PSMD1: variants seen among roughly 807,000 people sequenced by gnomAD.
The protein encoded by PSMD1 is 26S proteasome non-ATPase regulatory subunit 1.
PSMD1 carries 18 observed loss-of-function variants against 119.0 expected under a neutral mutation model. That is an observed-to-expected ratio of 0.15 (90% CI 0.10 to 0.22). The LOEUF is 0.22. Ranked by LOEUF, PSMD1 falls within the 10% of genes least tolerant of loss-of-function variation. The pLI, the probability that PSMD1 is intolerant of heterozygous loss-of-function variation, is 1.00. For synonymous variants in PSMD1, 374 were observed against 396.6 expected, an observed-to-expected ratio of 0.94 and a Z score of 0.68; for missense variants, 702 against 1,158.5, an observed-to-expected ratio of 0.61 and a Z score of 5.72.
intron 6 of PSMD1, among the ~76,000 whole-genome samples, chr2:231,070,962 C>T (rs574228590): frequency 1.3e-5 from 2 of 152,096 alleles, no homozygotes; most frequent in South Asian, 2.1e-4. Context: ...CTGTTTTTTA[C>T]AATCCCTTTT....
intron 16 of PSMD1, among the ~76,000 whole-genome samples, chr2:231,116,913 TATAAA>T (rs1695357732): frequency 6.6e-6 from 1 of 151,972 alleles, no homozygotes; most frequent in African/African-American, 2.4e-5. Flanking sequence ...ATGAAACTAA[TATAAA>T]AGAAAAAGAT....
chr2:231,150,220 G>A (rs543699175), intron 18 of PSMD1, among the ~76,000 whole-genome samples: 19 of 151,982 alleles, frequency 1.3e-4, no homozygotes, highest in African/African-American at 3.6e-4. Flanking sequence ...GGTGGCAGGC[G>A]CCTGTAGTTC....
chr2:231,147,366 C>T (rs566858624), intron 18 of PSMD1, among the ~76,000 whole-genome samples: 63 of 152,232 alleles, frequency 4.1e-4, no homozygotes, highest in African/African-American at 1.5e-3. Flanking sequence ...GGCATGGTGG[C>T]ATGCGCCTGT....
intron 8 of PSMD1, 82 bp from the exon 9 acceptor site, chr2:231,076,952 G>C: frequency 1.6e-6 from 2 of 1,276,570 alleles, no homozygotes; most frequent in Non-Finnish European, 1.1e-6. Context: ...CACTGGTTTA[G>C]GACTGATGAA....
intron 23 of PSMD1, among the ~76,000 whole-genome samples, chr2:231,169,335 T>G (rs1228773501): frequency 6.6e-6 from 1 of 152,202 alleles, no homozygotes; most frequent in Non-Finnish European, 1.5e-5. Context: ...CATCTCCATT[T>G]GGTCCATTAG....
intron 23 of PSMD1, among the ~76,000 whole-genome samples, chr2:231,168,532 A>G (rs988815598): frequency 5.3e-5 from 8 of 152,240 alleles, no homozygotes; most frequent in Admixed American, 1.3e-4. Flanking sequence ...TATTTTAAGT[A>G]AAAGAAGCCA....
intron 16 of PSMD1, among the ~76,000 whole-genome samples, chr2:231,118,556 G>C (rs1391879808): frequency 6.6e-6 from 1 of 152,098 alleles, no homozygotes; most frequent in Non-Finnish European, 1.5e-5. Flanking sequence ...TGCATTGCAT[G>C]CCTGGGTTTT....
intron 16 of PSMD1, among the ~76,000 whole-genome samples, chr2:231,106,917 TAATCTC>T (rs1312957653): frequency 1.3e-5 from 2 of 152,164 alleles, no homozygotes; most frequent in Non-Finnish European, 2.9e-5. Context: ...ACTGAAAACT[TAATCTC>T]AACATACCTT....
At chr2:231,140,051 T>C (rs769190893) in intron 17 of PSMD1, among the ~76,000 whole-genome samples, 4 of 152,208 alleles carry the variant, frequency 2.6e-5, no homozygotes, top group Non-Finnish European at 5.9e-5. Context: ...GAGCAAGGCT[T>C]TGCTCCCAGT....
At chr2:231,141,421 CTTTTT>C (rs34818750) in intron 17 of PSMD1, among the ~76,000 whole-genome samples, 8 of 104,226 alleles carry the variant, frequency 7.7e-5, no homozygotes, top group African/African-American at 4.1e-4. Flanking sequence ...CCCTGCTATA[CTTTTT>C]TTTTTTTTTT....
In PSMD1 at chr2:231,166,112, T is replaced by C. The variant is rs1574781089; in HGVS notation, c.2715+95T>C. On this transcript the variant is annotated intron_variant, in intron 23 of 24. Coordinates refer to ENST00000308696, the MANE Select transcript of PSMD1 (RefSeq NM_002807.4). Reference sequence around the variant, plus strand: ...TAGAGAATGATAAATCTCCAAAGCATTGGAGCAAGCTCACTAGTTCTAAGA... The same window carrying C: ...TAGAGAATGATAAATCTCCAAAGCACTGGAGCAAGCTCACTAGTTCTAAGA... 3.3e-6 allele frequency: 4 copies of C among 1,228,008 alleles called. No homozygotes were observed. In the East Asian group the frequency reaches 7.3e-5, roughly 22 times the overall value. 76.1% of individuals were successfully genotyped at this position (1,228,008 alleles called of 1,614,324 possible). A position where few individuals can be genotyped will look rare whatever the true frequency, so the allele number is the denominator to read the frequency against.
At chr2:231,069,681 A>G (rs1693994833) in intron 5 of PSMD1, among the ~76,000 whole-genome samples, 1 of 152,208 alleles carries the variant, frequency 6.6e-6, no homozygotes, top group South Asian at 2.1e-4. Context: ...ACTTCAGCAG[A>G]CACATTTGGA....
At chr2:231,166,895 C>G (rs1188176181) in intron 23 of PSMD1, among the ~76,000 whole-genome samples, 1 of 152,130 alleles carries the variant, frequency 6.6e-6, no homozygotes, top group African/African-American at 2.4e-5. Flanking sequence ...CCAAGGGATG[C>G]AAGATAGTGT....
rs1359188420 is a variant in PSMD1, at chr2:231,077,014, T to A, written c.943-20T>A. 1 of 1,581,288 alleles carries A rather than the reference T, an allele frequency of 6.3e-7. No individual in the cohort carries two copies. Among genetic ancestry groups the A allele is most frequent in the Non-Finnish European group, 8.5e-7 (1 of 1,170,370 alleles). Reference sequence around the variant, plus strand: ...AATACTGTTTATGAGTTTTCATTTTTTTTTTGTTTGTTTTGGCAGAGTCCA... The same window carrying A: ...AATACTGTTTATGAGTTTTCATTTTATTTTTGTTTGTTTTGGCAGAGTCCA... On this transcript the variant is annotated intron_variant, in intron 8 of 24. Coordinates refer to ENST00000308696, the MANE Select transcript of PSMD1 (RefSeq NM_002807.4).
At chr2:231,151,790 G>T (rs1696380729) in intron 18 of PSMD1, among the ~76,000 whole-genome samples, 1 of 149,240 alleles carries the variant, frequency 6.7e-6, no homozygotes, top group African/African-American at 2.5e-5. Context: ...GAATAAAAGC[G>T]TCAAACATGA....
chr2:231,077,187 G>C (rs1270158803), intron 9 of PSMD1, 25 bp downstream of exon 9: 1 of 1,383,440 alleles, frequency 7.2e-7, no homozygotes, highest in African/African-American at 1.5e-5. Flanking sequence ...AATAATAGAG[G>C]ATTTTAAAAA....
At chr2:231,057,269 C>G (rs1338044356) in intron 1 of PSMD1, among the ~76,000 whole-genome samples, 6 of 152,122 alleles carry the variant, frequency 3.9e-5, no homozygotes, top group Non-Finnish European at 7.4e-5. Flanking sequence ...GCATCCCTCC[C>G]CAATCACACC....
intron 16 of PSMD1, among the ~76,000 whole-genome samples, chr2:231,097,307 A>G (rs1205750050): frequency 6.6e-6 from 1 of 152,204 alleles, no homozygotes; most frequent in East Asian, 1.9e-4. Context: ...CTTTCCATTT[A>G]CTGAACTACT....
Position 231,150,659 on chromosome 2 carries a change from A to G in PSMD1, c.2116-2905A>G, listed in dbSNP as rs913438553. 1.2e-4 allele frequency among the ~76,000 whole-genome samples: 18 copies of G among 152,302 alleles called. No individual in the cohort carries two copies. The East Asian group carries it at 2.1e-3, about 18-fold the overall frequency. ...ATATCATAATATATAGAGCAGTACT[A>G]CACTGGGAGTATTGTATAATATATG... On this transcript the variant is annotated intron_variant, in intron 18 of 24. Transcript: ENST00000308696.
Sources: allele counts gnomAD v4.1 joint callset (sites outside exome capture counted in the v4.1 genomes callset), GRCh38; gene constraint gnomAD v4.1.1; transcripts MANE v1.5; gene names NCBI Gene and HGNC (gene_info 2026-07-23, HGNC 2026-07-21).